The following CNTNAP4 variants were observed in gnomAD, a reference collection of about 807,000 sequenced individuals.
CNTNAP4 encodes contactin associated protein family member 4, also known as contactin-associated protein-like 4.
In CNTNAP4, 98 loss-of-function variants were observed where a neutral mutation model predicts 148.4. That is an observed-to-expected ratio of 0.66 (90% CI 0.56 to 0.78). The LOEUF is 0.78. Ranked by LOEUF, CNTNAP4 falls within the 30% of genes least tolerant of loss-of-function variation. The pLI, the probability that CNTNAP4 is intolerant of heterozygous loss-of-function variation, is 0.00. For synonymous variants in CNTNAP4, 730 were observed against 565.1 expected, an observed-to-expected ratio of 1.29 and a Z score of -4.14; for missense variants, 1,935 against 1,565.6, an observed-to-expected ratio of 1.24 and a Z score of -3.98.
At chr16:76,454,705 A>G (rs2080655219) in intron 8 of CNTNAP4, among the ~76,000 whole-genome samples, 1 of 152,188 alleles carries the variant, frequency 6.6e-6, no homozygotes, top group Non-Finnish European at 1.5e-5. Context: ...TGTTCTCCCA[A>G]GGGGAAGACT....
chr16:76,508,064 C>T (rs1415981000), intron 15 of CNTNAP4, among the ~76,000 whole-genome samples: 1 of 97,518 alleles, frequency 1.0e-5, no homozygotes. Context: ...ATTTTTGAGC[C>T]CCTCAAGAGC....
intron 4 of CNTNAP4, among the ~76,000 whole-genome samples, chr16:76,444,977 C>G (rs2080185541): frequency 6.6e-6 from 1 of 152,094 alleles, no homozygotes; most frequent in African/African-American, 2.4e-5. Flanking sequence ...TCAAGGTGAG[C>G]CAACCTCACT....
intron 14 of CNTNAP4, 103 bp from the exon 15 acceptor site, chr16:76,498,463 TA>T: frequency 1.2e-6 from 1 of 804,756 alleles, no homozygotes; most frequent in Non-Finnish European, 2.0e-6. Flanking sequence ...ACTGGATCCA[TA>T]CTCTTTTGTA....
At chr16:76,292,561 T>C (rs570287441) in intron 1 of CNTNAP4, among the ~76,000 whole-genome samples, 2 of 152,210 alleles carry the variant, frequency 1.3e-5, no homozygotes, top group African/African-American at 4.8e-5. Flanking sequence ...AGGTTTTCGG[T>C]TGTAACCATC....
At chr16:76,430,786 G>A (rs1406291442) in intron 4 of CNTNAP4, among the ~76,000 whole-genome samples, 1 of 152,174 alleles carries the variant, frequency 6.6e-6, no homozygotes, top group African/African-American at 2.4e-5. Context: ...TGACATAGAA[G>A]AAGGTGAACT....
chr16:76,384,334 G>T (rs575535769), intron 3 of CNTNAP4, among the ~76,000 whole-genome samples: 1 of 152,082 alleles, frequency 6.6e-6, no homozygotes, highest in East Asian at 1.9e-4. Flanking sequence ...GAGCCACCGC[G>T]CCCAGCCAAG....
intron 2 of CNTNAP4, among the ~76,000 whole-genome samples, chr16:76,337,442 C>G (rs1346250782): frequency 6.6e-6 from 1 of 152,058 alleles, no homozygotes; most frequent in Non-Finnish European, 1.5e-5. Flanking sequence ...GCAAAACCAG[C>G]AAGTTTTTAT....
At chr16:76,501,523 A>C (rs1448800996) in intron 15 of CNTNAP4, among the ~76,000 whole-genome samples, 1 of 152,194 alleles carries the variant, frequency 6.6e-6, no homozygotes, top group Non-Finnish European at 1.5e-5. Flanking sequence ...TCTCCATCCA[A>C]GGCAATCTTG....
intron 15 of CNTNAP4, among the ~76,000 whole-genome samples, chr16:76,500,618 G>C (rs1473339706): frequency 7.1e-4 from 1 of 1,404 alleles, no homozygotes; most frequent in Non-Finnish European, 0.011. Flanking sequence ...TTTCCAGTTT[G>C]TGTGTGTGTG....
chr16:76,488,824 T>C (rs1488402583), intron 12 of CNTNAP4, among the ~76,000 whole-genome samples: 3 of 152,240 alleles, frequency 2.0e-5, no homozygotes. Context: ...GCCTATCATC[T>C]GTTACAAACA....
chr16:76,509,672 A>T (rs1304268026), intron 15 of CNTNAP4, among the ~76,000 whole-genome samples: 2 of 95,900 alleles, frequency 2.1e-5, no homozygotes, highest in African/African-American at 5.2e-5. Context: ...AAAAGCTAGC[A>T]CTCATTTCTT....
rs2082845529 is a variant in CNTNAP4 at position 76,506,569 on chromosome 16, C to G, written c.2365+7875C>G. ...CATTGCAAACTCCGCCTCCTGGGTT[C>G]AAGTGATTCTCCTGCCTCAGCCTCC... is the stretch of plus-strand genomic sequence containing the variant. On this transcript the variant is annotated intron_variant, in intron 15 of 23. Transcript: ENST00000611870. Among the ~76,000 whole-genome samples the G allele has an allele frequency of 2.5e-5, 2 of 78,956 alleles. 1 individual carries two copies. Among genetic ancestry groups the G allele is most frequent in the Admixed American group, 2.8e-4 (2 of 7,230 alleles). The allele number at this position is 78,956 out of a possible 152,430, so 51.8% of individuals were successfully genotyped here. A position where few individuals can be genotyped will look rare whatever the true frequency, so the allele number is the denominator to read the frequency against.
rs12933808 is a variant in CNTNAP4, at chr16:76,498,686, A to G, written c.2357A>G (p.Gln786Arg). The G allele has an allele frequency of 0.9, 1,440,175 of 1,607,296 alleles. 647,855 individuals carry two copies. The highest frequency in any genetic ancestry group is 0.98 in the East Asian group (43,708 of 44,752). ...AAYKLGPLLC[Q>R]GDRSFWNSAS... ...TATAAACTGGGGCCTCTGCTCTGCC[A>G]GGGAGACAGTAAGTGGTTACAATGT... The change falls in exon 15 of 24, where the codon CAG becomes CGG. Residue 786 changes from glutamine (Q) to arginine (R), a missense_variant. Transcript: ENST00000611870.
At chr16:76,535,150 G>A (rs1416815145) in intron 17 of CNTNAP4, among the ~76,000 whole-genome samples, 2 of 152,092 alleles carry the variant, frequency 1.3e-5, no homozygotes. Context: ...AACTGTACCA[G>A]AATCAAGATC....
In CNTNAP4 at chr16:76,553,393, C is replaced by A. The variant is rs373473823; in HGVS notation, c.3553C>A (p.Pro1185Thr). 1.2e-5 allele frequency: 20 copies of A among 1,612,432 alleles called. 1 individual carries two copies. The South Asian group carries it at 2.1e-4, about 17-fold the overall frequency. Residue 1185 changes from proline (P) to threonine (T), a missense_variant, in exon 22 of 24, where the codon CCC (proline) becomes ACC (threonine). Transcript: ENST00000611870. ...GGCCCCTCTGAAGGCAGCTCTGCACCCCAGCCACCCAGACCCTGTCACTGT... is the reference window on the plus strand; with the variant it reads ...GGCCCCTCTGAAGGCAGCTCTGCACACCAGCCACCCAGACCCTGTCACTGT... ...HVAPLKAALH[P>T]SHPDPVTVTG...
chr16:76,374,869 A>G (rs2015253672), intron 3 of CNTNAP4, among the ~76,000 whole-genome samples: 1 of 151,620 alleles, frequency 6.6e-6, no homozygotes, highest in African/African-American at 2.4e-5. Flanking sequence ...CCTGGGTTCA[A>G]ATGATTCTCC....
rs115226224 is a variant in CNTNAP4 at position 76,310,158 on chromosome 16, G to A, written c.86-6255G>A. Among the ~76,000 whole-genome samples the A allele has an allele frequency of 7.3e-3, 1,111 of 152,102 alleles. 16 individuals are homozygous for A. Among genetic ancestry groups the A allele is most frequent in the African/African-American group, 0.025 (1,039 of 41,498 alleles). ...TTGCCATTTGTGTATTCAGTCTCTC[G>A]TTGGGCAGGAAACAGAGGTACATCA... On this transcript the variant is annotated intron_variant, in intron 1 of 23. Coordinates refer to ENST00000611870, the MANE Select transcript of CNTNAP4 (RefSeq NM_033401.5).
At chr16:76,518,701 C>A (rs1438318391) in intron 15 of CNTNAP4, among the ~76,000 whole-genome samples, 1 of 152,024 alleles carries the variant, frequency 6.6e-6, no homozygotes, top group East Asian at 1.9e-4. Context: ...GAGTTGGGAA[C>A]ATTTGAGTCC....
At chr16:76,446,105 G>A (rs2080233276) in intron 4 of CNTNAP4, among the ~76,000 whole-genome samples, 1 of 151,910 alleles carries the variant, frequency 6.6e-6, no homozygotes. Flanking sequence ...TAAAACCTCT[G>A]AGTCTTCAAA....
Sources: gnomAD v4.1 joint callset for allele counts (sites outside exome capture counted in the v4.1 genomes callset) on GRCh38, gnomAD v4.1.1 for gene constraint, MANE v1.5 for transcripts, NCBI Gene and HGNC (gene_info 2026-07-23, HGNC 2026-07-21) for gene names.